Variants in IDE observed in about 807,000 individuals in gnomAD.
IDE encodes the protein insulin degrading enzyme, also known as insulin-degrading enzyme.
Under a neutral mutation model 133.2 loss-of-function variants are expected in IDE, and 58 were observed. The observed-to-expected ratio is 0.44, with a 90% CI of 0.35 to 0.54. The LOEUF is 0.54. Among genes scored for constraint, IDE ranks in the 20% least tolerant of loss-of-function variants. The probability of loss-of-function intolerance (pLI) is 0.00; values close to 1 mark genes in which losing one functional copy is unlikely to be tolerated. For missense variants in IDE, 981 were observed against 1,234.0 expected (o/e 0.79, Z 3.07); for synonymous variants, 396 against 421.3 (o/e 0.94, Z 0.73).
chr10:92,464,734 G>A (rs766667008), intron 20 of IDE, among the ~76,000 whole-genome samples: 8 of 152,176 alleles, frequency 5.3e-5, no homozygotes, highest in African/African-American at 7.2e-5. Context: ...CAAGTGGCAC[G>A]ATCTCCGCTC....
intron 5 of IDE, among the ~76,000 whole-genome samples, chr10:92,511,647 T>C (rs1848636353): frequency 6.6e-6 from 1 of 152,102 alleles, no homozygotes; most frequent in African/African-American, 2.4e-5. Context: ...TGCCTTTAAG[T>C]GTAGGCATTT....
At chr10:92,524,710 G>A (rs1393987648) in intron 4 of IDE, among the ~76,000 whole-genome samples, 73 of 127,672 alleles carry the variant, frequency 5.7e-4, no homozygotes, top group Middle Eastern at 0.011. Context: ...ATCACCTGAG[G>A]TCAGAAGTTT....
Position 92,454,241 on chromosome 10 carries a change from A to T in IDE, c.*203T>A. 1 of 439,186 alleles carries T rather than the reference A, an allele frequency of 2.3e-6. No individual in the cohort carries two copies. Among genetic ancestry groups the T allele is most frequent in the East Asian group, 3.5e-5 (1 of 28,392 alleles). The allele number at this position is 439,186 out of a possible 1,614,324, so 27.2% of individuals were successfully genotyped here. On this transcript the variant is annotated 3_prime_UTR_variant, in exon 25 of 25. Coordinates refer to ENST00000265986, the MANE Select transcript of IDE (RefSeq NM_004969.4). ...AAAAATTTTAAAATATTTAAGAGGCATGTATTTAAAAAATATTCTACATCT... is the reference window on the plus strand; with the variant it reads ...AAAAATTTTAAAATATTTAAGAGGCTTGTATTTAAAAAATATTCTACATCT...
At chr10:92,456,222 A>G (rs376792760) in intron 23 of IDE, 137 bp downstream of exon 23, 2 of 669,564 alleles carry the variant, frequency 3.0e-6, no homozygotes, top group Non-Finnish European at 5.4e-6. Context: ...TTTTCCCCTT[A>G]TATCTGCAGA....
chr10:92,550,895 GAATA>G (rs1325199613), intron 1 of IDE, among the ~76,000 whole-genome samples: 1 of 151,954 alleles, frequency 6.6e-6, no homozygotes, highest in Non-Finnish European at 1.5e-5. Context: ...AAATAAAATA[GAATA>G]AATAATAAGT....
intron 5 of IDE, among the ~76,000 whole-genome samples, chr10:92,511,677 T>G (rs912059485): frequency 1.5e-5 from 2 of 136,226 alleles, no homozygotes; most frequent in African/African-American, 2.6e-5. Flanking sequence ...TTATAAAATA[T>G]ACCTACTTTT....
At chr10:92,566,340 C>A (rs2135833531) in intron 1 of IDE, among the ~76,000 whole-genome samples, 2 of 151,610 alleles carry the variant, frequency 1.3e-5, no homozygotes, top group East Asian at 3.9e-4. Context: ...TGCAGTGAGC[C>A]CTGATCACGC....
chr10:92,494,347 C>T (rs564689773), intron 11 of IDE, among the ~76,000 whole-genome samples: 1 of 150,866 alleles, frequency 6.6e-6, no homozygotes, highest in South Asian at 2.1e-4. Context: ...GGATTACAGG[C>T]ATGAGCTACC....
Position 92,478,828 on chromosome 10 carries a change from C to T in IDE, c.1884+449G>A. 3 of 1,088,302 alleles carry T rather than the reference C, an allele frequency of 2.8e-6. No homozygotes were observed. In the South Asian group the frequency reaches 5.9e-5, roughly 22 times the overall value. The allele number at this position is 1,088,302 out of a possible 1,614,324, so 67.4% of individuals were successfully genotyped here. A position where few individuals can be genotyped will look rare whatever the true frequency, so the allele number is the denominator to read the frequency against. On this transcript the variant is annotated intron_variant, in intron 15 of 24. Transcript: ENST00000265986. ...AAACAAAAGAAATGCTTTGATACCT[C>T]AAGCAGTGGCATGGTAATGAAGAAA...
chr10:92,525,752 G>GAA (rs59547662), intron 4 of IDE, among the ~76,000 whole-genome samples: 4 of 116,416 alleles, frequency 3.4e-5, no homozygotes, highest in South Asian at 2.8e-4. Context: ...TGAACAATCT[G>GAA]AAAAAAAAAA....
intron 4 of IDE, among the ~76,000 whole-genome samples, chr10:92,517,190 C>G (rs1848976720): frequency 6.6e-6 from 1 of 152,076 alleles, no homozygotes; most frequent in Admixed American, 6.6e-5. Flanking sequence ...CTACAGAAAG[C>G]CACCAGATGG....
intron 4 of IDE, among the ~76,000 whole-genome samples, chr10:92,531,226 C>T (rs181451741): frequency 1.1e-3 from 161 of 152,268 alleles, no homozygotes; most frequent in Admixed American, 7.2e-3. Context: ...AGAGTCTCCA[C>T]GTTTATCTTA....
At chr10:92,514,158 C>T (rs955209579) in intron 5 of IDE, among the ~76,000 whole-genome samples, 8 of 152,150 alleles carry the variant, frequency 5.3e-5, no homozygotes, top group Non-Finnish European at 1.2e-4. Context: ...TGCATCTTTA[C>T]TTTTAAGACT....
At chr10:92,491,254 C>A (rs1337897763) in intron 11 of IDE, among the ~76,000 whole-genome samples, 2 of 149,750 alleles carry the variant, frequency 1.3e-5, no homozygotes, top group South Asian at 2.1e-4. Flanking sequence ...AAAAAAAAAA[C>A]CAAAAAGGCA....
At chr10:92,528,381 G>A (rs1849738876) in intron 4 of IDE, among the ~76,000 whole-genome samples, 1 of 151,448 alleles carries the variant, frequency 6.6e-6, no homozygotes, top group Non-Finnish European at 1.5e-5. Context: ...CTATCACTTT[G>A]GACTACTAAA....
intron 1 of IDE, among the ~76,000 whole-genome samples, chr10:92,552,261 T>C (rs1383650625): frequency 6.6e-6 from 1 of 152,164 alleles, no homozygotes; most frequent in Non-Finnish European, 1.5e-5. Context: ...CTAGCAATTA[T>C]GAAACTATGT....
chr10:92,456,482 C>G, intron 22 of IDE, 51 bp from the exon 23 acceptor site: 1 of 1,182,580 alleles, frequency 8.5e-7, no homozygotes, highest in Non-Finnish European at 1.3e-6. Flanking sequence ...AAAGAACTTA[C>G]AATGAGGTGT....
At chr10:92,510,015 T>G in intron 6 of IDE, 35 bp downstream of exon 6, 1 of 1,046,484 alleles carries the variant, frequency 9.6e-7, no homozygotes, top group South Asian at 1.3e-5. Flanking sequence ...TGTCCATAAA[T>G]TAAGAAGACA....
chr10:92,515,495 G>A (rs1368910547), intron 4 of IDE, among the ~76,000 whole-genome samples: 1 of 150,386 alleles, frequency 6.6e-6, no homozygotes, highest in Non-Finnish European at 1.5e-5. Context: ...TCCTGACCTC[G>A]TGATCCGCCC....
Sources: gnomAD v4.1 joint callset for allele counts (sites outside exome capture counted in the v4.1 genomes callset) on GRCh38, gnomAD v4.1.1 for gene constraint, MANE v1.5 for transcripts, NCBI Gene and HGNC (gene_info 2026-07-23, HGNC 2026-07-21) for gene names.